NAGS: variants seen among roughly 807,000 people sequenced by gnomAD.
NAGS encodes the protein N-acetylglutamate synthase, mitochondrial.
In NAGS, 34 loss-of-function variants were observed where a neutral mutation model predicts 46.9. The ratio of observed to expected loss-of-function variants is 0.72; its 90% CI spans 0.55 to 0.97. The LOEUF (loss-of-function observed/expected upper bound fraction) is 0.97, where lower values mean the gene tolerates loss of function less well. NAGS is among the 50% of genes least tolerant of loss of function. The pLI is 0.00. For missense variants in NAGS, 665 were observed against 747.0 expected, an observed-to-expected ratio of 0.89 and a Z score of 1.28; for synonymous variants, 334 against 346.3, an observed-to-expected ratio of 0.96 and a Z score of 0.39.
chr17:44,006,602 G>T lies in NAGS; in HGVS notation c.989G>T (p.Arg330Leu). ...GCCGAGTGGGTGAGCACAAAAGAAC[G>T]GCAGCAGATGCGGCTCATCGTGGAC... ...CNAEWVSTKE[R>L]QQMRLIVDVL... is the part of the protein sequence containing the mutation. Residue 330 changes from arginine to leucine, a missense_variant, in exon 4 of 7, where the codon CGG becomes CTG. By Grantham distance (102) the Arg-to-Leu change is moderately radical. Transcript: ENST00000293404. This position sits in a 1 kb window ranked among gnomAD's most constrained non-coding sequence, Gnocchi z 4.8. The T allele has an allele frequency of 6.2e-7, 1 of 1,601,958 alleles. No individual in the cohort carries two copies. The highest frequency in any genetic ancestry group is 8.5e-7 in the Non-Finnish European group (1 of 1,174,500).
rs914617998 is a variant in NAGS at position 44,006,668 on chromosome 17, C to G, written c.1055C>G (p.Thr352Ser). ...CCCCACCACTCCTCGGCCGTCATCA[C>G]CGCCGCTAGCACGCTGCTCACTGAG... ...RLPHHSSAVI[T>S]AASTLLTELF... Residue 352 changes from threonine (T) to serine (S), a missense_variant, in exon 4 of 7, where the codon ACC (threonine) becomes AGC (serine). By Grantham distance (58) the Thr-to-Ser change is moderately conservative. Transcript: ENST00000293404. The surrounding 1 kb of genome is among the most constrained non-coding windows in gnomAD (Gnocchi z 4.8). The G allele has an allele frequency of 1.9e-6, 3 of 1,611,536 alleles. No individual in the cohort carries two copies. Among genetic ancestry groups the G allele is most frequent in the Non-Finnish European group, 2.5e-6 (3 of 1,179,152 alleles).
chr17:44,006,760 C>A lies in NAGS; in HGVS notation c.1096+51C>A, dbSNP rs1228228809. ...CTGGGTCCCGGGAGTGAGTACTGGC[C>A]GGGGCTGGGTGTCTGCGGTCAGGAG... is the stretch of plus-strand genomic sequence containing the variant. On this transcript the variant is annotated intron_variant, in intron 4 of 6. Transcript: ENST00000293404. The surrounding 1 kb of genome is among the most constrained non-coding windows in gnomAD (Gnocchi z 4.8). 2 of 1,533,906 alleles carry A rather than the reference C, an allele frequency of 1.3e-6. No homozygotes were observed. The highest frequency in any genetic ancestry group is 2.3e-5 in the East Asian group (1 of 43,926).
Position 44,007,564 on chromosome 17 carries a change from C to T in NAGS, c.1269-27C>T, listed in dbSNP as rs1386440854. The T allele has an allele frequency of 6.2e-7, 1 of 1,610,830 alleles. No homozygotes were observed. Among genetic ancestry groups the T allele is most frequent in the Admixed American group, 1.7e-5 (1 of 59,686 alleles). On this transcript the variant is annotated intron_variant, in intron 5 of 6. Coordinates refer to ENST00000293404, the MANE Select transcript of NAGS (RefSeq NM_153006.3). This position sits in a 1 kb window ranked among gnomAD's most constrained non-coding sequence, Gnocchi z 5.1. ...GCAGCTTCGGACCAAGGAGAGGTCC[C>T]AGCCTGCCGCTCTCCCGCTGCGCCA...
Position 44,005,159 on chromosome 17 carries a change from A to T in NAGS, c.426+70A>T. ...GTTGTGCGGCCACCTGTCCTCAGGC[A>T]TGGCAGGATACGCTGCGGGCTCTGC... On this transcript the variant is annotated intron_variant, in intron 1 of 6. Transcript: ENST00000293404. The surrounding 1 kb of genome is among the most constrained non-coding windows in gnomAD (Gnocchi z 7.2). 1 of 1,505,118 alleles carries T rather than the reference A, an allele frequency of 6.6e-7. No homozygotes were observed. Among genetic ancestry groups the T allele is most frequent in the South Asian group, 1.2e-5 (1 of 81,054 alleles). The allele number at this position is 1,505,118 out of a possible 1,614,324, so 93.2% of individuals were successfully genotyped here. A position where few individuals can be genotyped will look rare whatever the true frequency, so the allele number is the denominator to read the frequency against.
chr17:44,008,309 G>A (rs994749904), intron 6 of NAGS, 139 bp from the exon 7 acceptor site: 3 of 671,490 alleles, frequency 4.5e-6, no homozygotes, highest in Admixed American at 4.4e-5. Context: ...GATAAAATGA[G>A]ATAACACACA....
Position 44,008,859 on chromosome 17 carries a change from G to C in NAGS, c.*258G>C, listed in dbSNP as rs1444598687. The C allele has an allele frequency of 1.3e-5, 7 of 557,874 alleles. No homozygotes were observed. The highest frequency in any genetic ancestry group is 2.3e-5 in the Non-Finnish European group (7 of 310,962). 34.6% of individuals were successfully genotyped at this position (557,874 alleles called of 1,614,324 possible). A position where few individuals can be genotyped will look rare whatever the true frequency, so the allele number is the denominator to read the frequency against. On this transcript the variant is annotated 3_prime_UTR_variant, in exon 7 of 7. Transcript: ENST00000293404. ...CAAATGGCCTTCGATTTTCAACCTG[G>C]GGATTAGGGGAGGGGAGGGTGCCTT...
chr17:44,006,729 C>T lies in NAGS; in HGVS notation c.1096+20C>T. Reference sequence around the variant, plus strand: ...ACAAGGGTGAGGGCGGTGGGCGGGCCGGGGACTGGGTCCCGGGAGTGAGTA... The same window carrying T: ...ACAAGGGTGAGGGCGGTGGGCGGGCTGGGGACTGGGTCCCGGGAGTGAGTA... On this transcript the variant is annotated intron_variant, in intron 4 of 6. Coordinates refer to ENST00000293404, the MANE Select transcript of NAGS (RefSeq NM_153006.3). The surrounding 1 kb of genome is among the most constrained non-coding windows in gnomAD (Gnocchi z 4.8). 1.3e-6 allele frequency: 2 copies of T among 1,581,132 alleles called. No individual in the cohort carries two copies. Among genetic ancestry groups the T allele is most frequent in the Non-Finnish European group, 1.7e-6 (2 of 1,159,732 alleles).
rs1186859000 is a variant in NAGS at position 44,005,603 on chromosome 17, G to C, written c.427-34G>C. 3.1e-6 allele frequency: 5 copies of C among 1,603,318 alleles called. No homozygotes were observed. The African/African-American group carries it at 5.4e-5, about 17-fold the overall frequency. On this transcript the variant is annotated intron_variant, in intron 1 of 6. Transcript: ENST00000293404. This position sits in a 1 kb window ranked among gnomAD's most constrained non-coding sequence, Gnocchi z 7.2. ...CTGTGGGAGCCAGCGGCTCAGGTCCGTGTCACGCTCCTTGAAAGCCCACTC... is the reference window on the plus strand; with the variant it reads ...CTGTGGGAGCCAGCGGCTCAGGTCCCTGTCACGCTCCTTGAAAGCCCACTC...
intron 6 of NAGS, among the ~76,000 whole-genome samples, chr17:44,008,210 C>T (rs111850980): frequency 1.3e-4 from 20 of 152,310 alleles, no homozygotes; most frequent in African/African-American, 4.6e-4. Flanking sequence ...TTCCTGTGTG[C>T]GCCTGGCAAG....
chr17:44,007,832 C>A lies in NAGS; in HGVS notation c.1451+59C>A. ...CCTGACTTCCCTCCCCTCTCCCACC[C>A]TTGCCAACCATGCCAAGAAGGCTGG... On this transcript the variant is annotated intron_variant, in intron 6 of 6. Transcript: ENST00000293404. This position sits in a 1 kb window ranked among gnomAD's most constrained non-coding sequence, Gnocchi z 5.1. 1 of 1,524,942 alleles carries A rather than the reference C, an allele frequency of 6.6e-7. No individual in the cohort carries two copies. The highest frequency in any genetic ancestry group is 1.2e-5 in the South Asian group (1 of 83,460). The allele number at this position is 1,524,942 out of a possible 1,614,324, so 94.5% of individuals were successfully genotyped here.
rs2049082706 is a variant in NAGS at position 44,005,937 on chromosome 17, G to T, written c.701+26G>T. The T allele has an allele frequency of 1.3e-6, 2 of 1,548,612 alleles. No individual in the cohort carries two copies. The highest frequency in any genetic ancestry group is 2.4e-5 in the South Asian group (2 of 84,904). On this transcript the variant is annotated intron_variant, in intron 2 of 6. Transcript: ENST00000293404. This position sits in a 1 kb window ranked among gnomAD's most constrained non-coding sequence, Gnocchi z 7.2. ...GTGAGTGCCCGCCCTGCCCGCCCAG[G>T]CGTCCTCAGAGCGTGCTACTCTGCC...
At position 44,007,499 on chromosome 17, in the gene NAGS, G is replaced by T. The variant is rs1447230886; in HGVS notation, c.1268+5G>T. On this transcript the variant is annotated splice_donor_5th_base_variant and intron_variant, in intron 5 of 6. Transcript: ENST00000293404. The surrounding 1 kb of genome is among the most constrained non-coding windows in gnomAD (Gnocchi z 5.1). ...CTCCATCTACGTCTCCGAGGGGTAA[G>T]CCTGCGGACCCCAGAGGGCGGGGTC... The T allele has an allele frequency of 6.2e-7, 1 of 1,613,572 alleles. No individual in the cohort carries two copies. The highest frequency in any genetic ancestry group is 1.3e-5 in the African/African-American group (1 of 74,916).
In NAGS at chr17:44,008,496, C is replaced by A. The variant is rs1207552117; in HGVS notation, c.1500C>A (p.Phe500Leu). The change falls in exon 7 of 7, where the codon TTC (phenylalanine) becomes TTA (leucine). Residue 500 changes from phenylalanine (F) to leucine (L), a missense_variant. Coordinates refer to ENST00000293404, the MANE Select transcript of NAGS (RefSeq NM_153006.3). ...DGSFSNKQWI[F>L]FWFGLADIRD... ...GCTTCTCCAACAAGCAGTGGATCTT[C>A]TTCTGGTTTGGCCTGGCTGATATCC... 6.2e-7 allele frequency: 1 copy of A among 1,614,276 alleles called. No individual in the cohort carries two copies. Among genetic ancestry groups the A allele is most frequent in the East Asian group, 2.2e-5 (1 of 44,892 alleles).
rs998567662 is a variant in NAGS, at chr17:44,005,212, G to A, written c.426+123G>A. On this transcript the variant is annotated intron_variant, in intron 1 of 6. Coordinates refer to ENST00000293404, the MANE Select transcript of NAGS (RefSeq NM_153006.3). The surrounding 1 kb of genome is among the most constrained non-coding windows in gnomAD (Gnocchi z 7.2). Reference sequence around the variant, plus strand: ...AGCGGAAGCGGGAAGGAGCCCGGCAGGGCCCAGACCAGCGCCGCCGGGAAT... The same window carrying A: ...AGCGGAAGCGGGAAGGAGCCCGGCAAGGCCCAGACCAGCGCCGCCGGGAAT... 5 of 1,451,332 alleles carry A rather than the reference G, an allele frequency of 3.4e-6. No individual in the cohort carries two copies. The Admixed American group carries it at 7.3e-5, about 21-fold the overall frequency. The allele number at this position is 1,451,332 out of a possible 1,614,324, so 89.9% of individuals were successfully genotyped here. A position where few individuals can be genotyped will look rare whatever the true frequency, so the allele number is the denominator to read the frequency against.
rs773455904 is a variant in NAGS at position 44,005,992 on chromosome 17, G to A, written c.702-32G>A. The A allele has an allele frequency of 8.9e-6, 14 of 1,572,084 alleles. No individual in the cohort carries two copies. The East Asian group carries it at 3.1e-4, about 35-fold the overall frequency. On this transcript the variant is annotated intron_variant, in intron 2 of 6. Coordinates refer to ENST00000293404, the MANE Select transcript of NAGS (RefSeq NM_153006.3). The surrounding 1 kb of genome is among the most constrained non-coding windows in gnomAD (Gnocchi z 7.2). ...CTGCCCCGTCCGGCAGGCCTGGAGG[G>A]GGCCCTCTCGAGCACCACGTCTGGC...
At position 44,006,586 on chromosome 17, in the gene NAGS, G is replaced by T. The variant is rs1168079598; in HGVS notation, c.973G>T (p.Val325Leu). The change falls in exon 4 of 7, where the codon GTG becomes TTG. Residue 325 changes from valine to leucine, a missense_variant. Transcript: ENST00000293404. This position sits in a 1 kb window ranked among gnomAD's most constrained non-coding sequence, Gnocchi z 4.8. ...DLDLVCNAEW[V>L]STKERQQMRL... is the part of the protein sequence containing the mutation. ...GGACCTGGTGTGCAACGCCGAGTGG[G>T]TGAGCACAAAAGAACGGCAGCAGAT... 2.5e-6 allele frequency: 4 copies of T among 1,593,120 alleles called. No individual in the cohort carries two copies. The highest frequency in any genetic ancestry group is 3.4e-6 in the Non-Finnish European group (4 of 1,169,174).
chr17:44,007,754 A>C lies in NAGS; in HGVS notation c.1432A>C (p.Thr478Pro), dbSNP rs1188049109. ...GACACTTTTCTGGCGCTCCCGGGTC[A>C]CCAACCCCATCAATCCCTGGTAGGT... ...LQTLFWRSRV[T>P]NPINPWYFKH... is the part of the protein sequence containing the mutation. The change falls in exon 6 of 7, where the codon ACC becomes CCC. Residue 478 changes from threonine (T) to proline (P), a missense_variant. Coordinates refer to ENST00000293404, the MANE Select transcript of NAGS (RefSeq NM_153006.3). This position sits in a 1 kb window ranked among gnomAD's most constrained non-coding sequence, Gnocchi z 5.1. 20 of 1,583,966 alleles carry C rather than the reference A, an allele frequency of 1.3e-5. No individual in the cohort carries two copies. Among genetic ancestry groups the C allele is most frequent in the Non-Finnish European group, 1.5e-5 (18 of 1,163,790 alleles).
chr17:44,008,091 A>G (rs1046962760), intron 6 of NAGS, among the ~76,000 whole-genome samples: 4 of 152,066 alleles, frequency 2.6e-5, no homozygotes, highest in East Asian at 1.9e-4. Context: ...CTCCTTCAGT[A>G]ACTACCCCCT....
rs2049099874 is a variant in NAGS at position 44,006,859 on chromosome 17, C to G, written c.1096+150C>G. ...TCACAGCAATGGCTCCTGCTGCTGC[C>G]GAAACCCGGGGGAGGTGAGAGAGGA... On this transcript the variant is annotated intron_variant, in intron 4 of 6. Transcript: ENST00000293404. This position sits in a 1 kb window ranked among gnomAD's most constrained non-coding sequence, Gnocchi z 4.8. The G allele has an allele frequency of 6.2e-6, 5 of 804,000 alleles. No individual in the cohort carries two copies. 49.8% of individuals were successfully genotyped at this position (804,000 alleles called of 1,614,324 possible). A position where few individuals can be genotyped will look rare whatever the true frequency, so the allele number is the denominator to read the frequency against.
Sources: allele counts gnomAD v4.1 joint callset (sites outside exome capture counted in the v4.1 genomes callset), GRCh38; gene constraint gnomAD v4.1.1; non-coding constraint Gnocchi (gnomAD v3.1); transcripts MANE v1.5; gene names NCBI Gene and HGNC (gene_info 2026-07-23, HGNC 2026-07-21).